Variants in COL11A1 observed in about 807,000 individuals in gnomAD.
COL11A1 encodes collagen type XI alpha 1 chain.
A neutral mutation model predicts 265.2 loss-of-function variants in COL11A1; 74 were observed. The observed-to-expected ratio is 0.28, with a 90% CI of 0.23 to 0.34. The LOEUF (loss-of-function observed/expected upper bound fraction) is 0.34, where lower values mean the gene tolerates loss of function less well. Among genes scored for constraint, COL11A1 ranks in the 10% least tolerant of loss-of-function variants. The pLI is 1.00. For synonymous variants in COL11A1, 816 were observed against 727.6 expected (o/e 1.12, Z -1.96); for missense variants, 2,165 against 2,263.6 (o/e 0.96, Z 0.88).
intron 28 of COL11A1, among the ~76,000 whole-genome samples, chr1:102,991,301 A>T (rs1225507164): frequency 6.6e-6 from 1 of 152,134 alleles, no homozygotes; most frequent in Non-Finnish European, 1.5e-5. Flanking sequence ...CAAAGCTAGG[A>T]AGGATAGGCA....
At chr1:102,905,295 G>T (rs1036813002) in intron 54 of COL11A1, among the ~76,000 whole-genome samples, 3 of 150,610 alleles carry the variant, frequency 2.0e-5, no homozygotes, top group Non-Finnish European at 4.4e-5. Flanking sequence ...ACTGGGTGCA[G>T]CACACCAACA....
At chr1:103,010,664 A>T (rs927931428) in intron 14 of COL11A1, among the ~76,000 whole-genome samples, 13 of 152,018 alleles carry the variant, frequency 8.6e-5, no homozygotes, top group African/African-American at 2.9e-4. Flanking sequence ...ATTTATTTGA[A>T]TAATAGAGTT....
chr1:103,012,578 T>C (rs998166542), intron 13 of COL11A1, 109 bp from the exon 14 acceptor site: 4 of 801,882 alleles, frequency 5.0e-6, no homozygotes, highest in Non-Finnish European at 8.6e-6. Flanking sequence ...TCAACACAGA[T>C]TTAATAACTA....
chr1:102,995,474 C>T (rs769772233), intron 28 of COL11A1, among the ~76,000 whole-genome samples: 1 of 151,658 alleles, frequency 6.6e-6, no homozygotes, highest in African/African-American at 2.4e-5. Context: ...TTTGTTTAAA[C>T]ATTTTGGGGA....
At chr1:103,075,367 T>C (rs1455618743) in intron 3 of COL11A1, among the ~76,000 whole-genome samples, 3 of 152,188 alleles carry the variant, frequency 2.0e-5, no homozygotes, top group Admixed American at 6.5e-5. Flanking sequence ...AAGACAGTTA[T>C]AGATCACTAC....
intron 31 of COL11A1, among the ~76,000 whole-genome samples, chr1:102,981,240 GA>G (rs1009477659): frequency 1.3e-5 from 2 of 151,922 alleles, no homozygotes; most frequent in Admixed American, 1.3e-4. Flanking sequence ...ACGTACTGGG[GA>G]AAAAAATCTC....
At chr1:102,883,354 A>G (rs553008435) in intron 63 of COL11A1, 43 bp from the exon 64 acceptor site, 1 of 1,253,024 alleles carries the variant, frequency 8.0e-7, no homozygotes, top group African/African-American at 1.5e-5. Context: ...ATTCATTGAC[A>G]TCATTGTTGA....
At chr1:103,030,358 C>T (rs1015803630) in intron 5 of COL11A1, among the ~76,000 whole-genome samples, 1 of 151,726 alleles carries the variant, frequency 6.6e-6, no homozygotes, top group African/African-American at 2.4e-5. Context: ...GTGAAAAATC[C>T]GACCTGAATT....
chr1:102,878,551 T>C (rs1649828975), intron 66 of COL11A1, among the ~76,000 whole-genome samples: 1 of 145,170 alleles, frequency 6.9e-6, no homozygotes, highest in Non-Finnish European at 1.5e-5. Flanking sequence ...AGTTTTGCTC[T>C]GTTGCTCAGG....
intron 64 of COL11A1, among the ~76,000 whole-genome samples, chr1:102,882,048 G>A (rs1443019836): frequency 6.6e-6 from 1 of 152,044 alleles, no homozygotes; most frequent in East Asian, 1.9e-4. Context: ...CATACTAAGG[G>A]TTATAGGGGA....
intron 4 of COL11A1, among the ~76,000 whole-genome samples, chr1:103,032,273 G>A (rs1233774957): frequency 6.6e-6 from 1 of 151,174 alleles, no homozygotes; most frequent in Non-Finnish European, 1.5e-5. Flanking sequence ...TTATCAACAG[G>A]GATTATTTAG....
At position 103,001,884 on chromosome 1, in the gene COL11A1, A is replaced by C. The variant is rs1421434642; in HGVS notation, c.2142+41T>G. 5.0e-6 allele frequency: 8 copies of C among 1,595,238 alleles called. No individual in the cohort carries two copies. In the East Asian group the frequency reaches 1.8e-4, roughly 36 times the overall value. ...TACCTGCCTAAGATTGCTAAAACAA[A>C]CATGTTCACCAGGCTTTACGAGAAC... is the stretch of plus-strand genomic sequence containing the variant. On this transcript the variant is annotated intron_variant, in intron 24 of 66. Transcript: ENST00000370096.
intron 29 of COL11A1, among the ~76,000 whole-genome samples, 159 bp from the exon 30 acceptor site, chr1:102,987,899 T>C (rs376190973): frequency 1.3e-5 from 2 of 152,270 alleles, no homozygotes; most frequent in East Asian, 3.9e-4. Flanking sequence ...TGGAGCAAGC[T>C]AACATTGGGA....
At chr1:102,944,202 A>T (rs893633502) in intron 42 of COL11A1, among the ~76,000 whole-genome samples, 7 of 152,192 alleles carry the variant, frequency 4.6e-5, no homozygotes, top group Admixed American at 4.6e-4. Flanking sequence ...TGCTCAGCAG[A>T]GGTAAGATCT....
At chr1:103,044,082 C>G (rs1306738966) in intron 4 of COL11A1, among the ~76,000 whole-genome samples, 1 of 151,462 alleles carries the variant, frequency 6.6e-6, no homozygotes, top group African/African-American at 2.4e-5. Flanking sequence ...TAAGAAGTAA[C>G]TACCATAATC....
chr1:102,915,447 C>T (rs1008232401), intron 50 of COL11A1, among the ~76,000 whole-genome samples, 184 bp downstream of exon 50: 2 of 152,100 alleles, frequency 1.3e-5, no homozygotes, highest in Non-Finnish European at 2.9e-5. Flanking sequence ...ATTTGTTTAT[C>T]AATCCACATA....
intron 8 of COL11A1, among the ~76,000 whole-genome samples, 178 bp from the exon 9 acceptor site, chr1:103,021,947 C>T (rs546377225): frequency 4.0e-5 from 6 of 151,420 alleles, no homozygotes; most frequent in Admixed American, 6.6e-5. Flanking sequence ...GCCGGGTTCA[C>T]GCCATTCTCC....
chr1:102,980,488 G>A (rs1370593064), intron 31 of COL11A1, among the ~76,000 whole-genome samples: 3 of 152,050 alleles, frequency 2.0e-5, no homozygotes, highest in Non-Finnish European at 4.4e-5. Context: ...ATGAGACCCT[G>A]AAAAGGAAGA....
intron 23 of COL11A1, 113 bp from the exon 24 acceptor site, chr1:103,002,082 A>G (rs372725585): frequency 1.4e-5 from 13 of 903,556 alleles, no homozygotes; most frequent in South Asian, 1.4e-4. Flanking sequence ...GAATCTGTAT[A>G]TATTCCCATA....
Sources: gnomAD v4.1 joint callset for allele counts (sites outside exome capture counted in the v4.1 genomes callset) on GRCh38, gnomAD v4.1.1 for gene constraint, MANE v1.5 for transcripts, NCBI Gene and HGNC (gene_info 2026-07-23, HGNC 2026-07-21) for gene names.